The following TOX3 variants were observed in gnomAD, a reference collection of about 807,000 sequenced individuals.
TOX3 encodes the protein TOX high mobility group box family member 3, also known as CAG trinucleotide repeat-containing gene F9 protein.
Under a neutral mutation model 64.3 loss-of-function variants are expected in TOX3, and 22 were observed. The observed-to-expected ratio is 0.34, with a 90% CI of 0.24 to 0.49. The LOEUF (loss-of-function observed/expected upper bound fraction) is 0.49. TOX3 is among the 20% of genes least tolerant of loss of function. The pLI is 0.99. For missense variants in TOX3, 661 were observed against 714.4 expected, an observed-to-expected ratio of 0.93 and a Z score of 0.85; for synonymous variants, 291 against 273.6, an observed-to-expected ratio of 1.06 and a Z score of -0.63.
At position 52,444,258 on chromosome 16, in the gene TOX3, G is replaced by A. The variant is rs771909206; in HGVS notation, c.987+18C>T. 3.4e-5 allele frequency: 52 copies of A among 1,532,114 alleles called. 2 individuals carry two copies. In the South Asian group the frequency reaches 4.1e-4, roughly 12 times the overall value. 94.9% of individuals were successfully genotyped at this position (1,532,114 alleles called of 1,614,324 possible). On this transcript the variant is annotated intron_variant, in intron 6 of 6. Coordinates refer to ENST00000219746, the MANE Select transcript of TOX3 (RefSeq NM_001080430.4). ...GCTGTGACTATTTTGGAGCCTGGCC[G>A]CCCCTGCCCAGGTTTACCTTAGAAA...
chr16:52,439,945 G>A lies in TOX3; in HGVS notation c.1011C>T (p.Ala337=). The A allele has an allele frequency of 6.4e-7, 1 of 1,568,102 alleles. No individual in the cohort carries two copies. The highest frequency in any genetic ancestry group is 1.4e-5 in the African/African-American group (1 of 73,872). The stretch of plus-strand genomic sequence containing the variant: ...TCTGCTGAACAGAACGGATGGTCTG[G>A]GCTTCTGCTGACTCAGCAGCAGCCT... ...VSKAAAESAE[A]QTIRSVQQTL... The change falls in exon 7 of 7, where the codon GCC becomes GCT. Residue 337 remains alanine, a synonymous_variant. Coordinates refer to ENST00000219746, the MANE Select transcript of TOX3 (RefSeq NM_001080430.4).
intron 1 of TOX3, among the ~76,000 whole-genome samples, chr16:52,542,073 G>T (rs1390653678): frequency 6.6e-6 from 1 of 152,180 alleles, no homozygotes; most frequent in Non-Finnish European, 1.5e-5. Context: ...ATTAAATGCA[G>T]GATGTGGATG....
chr16:52,474,518 G>C (rs1961149947), intron 1 of TOX3, among the ~76,000 whole-genome samples: 1 of 152,110 alleles, frequency 6.6e-6, no homozygotes, highest in African/African-American at 2.4e-5. Context: ...ACAGGAGGCT[G>C]AGATGGGAGG....
At chr16:52,460,902 C>T (rs1209813627) in intron 3 of TOX3, among the ~76,000 whole-genome samples, 1 of 152,150 alleles carries the variant, frequency 6.6e-6, no homozygotes, top group South Asian at 2.1e-4. Flanking sequence ...AACTAAATTA[C>T]AGAATCAATC....
chr16:52,505,130 G>A (rs533398942), intron 1 of TOX3, among the ~76,000 whole-genome samples: 5 of 152,080 alleles, frequency 3.3e-5, no homozygotes, highest in East Asian at 1.9e-4. Context: ...CACCGCACCC[G>A]GCCAAGAAGA....
intron 1 of TOX3, among the ~76,000 whole-genome samples, chr16:52,524,845 TTTCACAACTC>T (rs953913367): frequency 2.6e-5 from 4 of 152,120 alleles, no homozygotes; most frequent in African/African-American, 9.7e-5. Context: ...TTTTCTGCCT[TTTCACAACTC>T]CACACTTATG....
At chr16:52,491,988 A>G (rs991785260) in intron 1 of TOX3, among the ~76,000 whole-genome samples, 2 of 152,034 alleles carry the variant, frequency 1.3e-5, no homozygotes, top group African/African-American at 2.4e-5. Flanking sequence ...AGTAGGAAGC[A>G]TTGAGCTTTT....
intron 1 of TOX3, among the ~76,000 whole-genome samples, chr16:52,530,229 T>A (rs1962820815): frequency 6.6e-6 from 1 of 152,198 alleles, no homozygotes; most frequent in Non-Finnish European, 1.5e-5. Context: ...TGAATTCTAA[T>A]GTATGTGTGG....
At chr16:52,544,572 G>A (rs1302577144) in intron 1 of TOX3, among the ~76,000 whole-genome samples, 1 of 152,200 alleles carries the variant, frequency 6.6e-6, no homozygotes, top group Non-Finnish European at 1.5e-5. Context: ...TGCTAAATAA[G>A]TAAGAAAGCA....
At position 52,546,880 on chromosome 16, in the gene TOX3, G is replaced by T. The variant is rs1179106154; in HGVS notation, c.-157C>A. 10 of 1,172,830 alleles carry T rather than the reference G, an allele frequency of 8.5e-6. No individual in the cohort carries two copies. Among genetic ancestry groups the T allele is most frequent in the Non-Finnish European group, 1.1e-5 (10 of 950,744 alleles). 72.7% of individuals were successfully genotyped at this position (1,172,830 alleles called of 1,614,324 possible). ...CCGGGACCCAGAGCCCGAGGAGCTC[G>T]GGAGCCGCGGCCGCCGCACACAAAG... On this transcript the variant is annotated 5_prime_UTR_variant, in exon 1 of 7. Coordinates refer to ENST00000219746, the MANE Select transcript of TOX3 (RefSeq NM_001080430.4).
intron 6 of TOX3, among the ~76,000 whole-genome samples, chr16:52,442,120 T>C (rs954971037): frequency 2.0e-5 from 3 of 152,020 alleles, no homozygotes; most frequent in Non-Finnish European, 4.4e-5. Context: ...TAACGGTAAA[T>C]GGAGATGGGT....
intron 1 of TOX3, among the ~76,000 whole-genome samples, chr16:52,508,910 G>A (rs1022994221): frequency 6.6e-6 from 1 of 152,114 alleles, no homozygotes; most frequent in Non-Finnish European, 1.5e-5. Context: ...ATAAAAAAGT[G>A]TACAAGCCCA....
rs145600720 is a variant in TOX3 at position 52,523,613 on chromosome 16, A to G, written c.87+23024T>C. The stretch of plus-strand genomic sequence containing the variant: ...CTGTGGGAATAAAGACTGACAGGGA[A>G]CCAAACAGCAAAAGGGAAGACTTAC... On this transcript the variant is annotated intron_variant, in intron 1 of 6. Coordinates refer to ENST00000219746, the MANE Select transcript of TOX3 (RefSeq NM_001080430.4). Among the ~76,000 whole-genome samples, 247 of 152,336 alleles carry G rather than the reference A, an allele frequency of 1.6e-3. 1 individual carries two copies. The highest frequency in any genetic ancestry group is 5.7e-3 in the African/African-American group (237 of 41,578).
chr16:52,535,687 C>G (rs1212150597), intron 1 of TOX3, among the ~76,000 whole-genome samples: 2 of 152,166 alleles, frequency 1.3e-5, no homozygotes, highest in African/African-American at 4.8e-5. Context: ...TGGGGGCCTC[C>G]TATTCCTTGA....
At chr16:52,473,456 C>CATCT (rs1267059629) in intron 1 of TOX3, among the ~76,000 whole-genome samples, 1 of 152,154 alleles carries the variant, frequency 6.6e-6, no homozygotes, top group African/African-American at 2.4e-5. Flanking sequence ...TCACTATGGA[C>CATCT]ATCTGTCAAG....
intron 1 of TOX3, among the ~76,000 whole-genome samples, chr16:52,538,438 T>G (rs1382728191): frequency 1.3e-5 from 2 of 152,300 alleles, no homozygotes; most frequent in East Asian, 3.9e-4. Context: ...ATCTCACAAT[T>G]TGGTACAGTT....
intron 1 of TOX3, among the ~76,000 whole-genome samples, chr16:52,528,182 G>A (rs1040744403): frequency 3.9e-5 from 6 of 152,126 alleles, no homozygotes; most frequent in South Asian, 4.1e-4. Context: ...AAACTGACCC[G>A]ATCTTAGGAT....
At chr16:52,471,677 C>A (rs77652148) in intron 1 of TOX3, among the ~76,000 whole-genome samples, 7 of 152,150 alleles carry the variant, frequency 4.6e-5, no homozygotes, top group Admixed American at 3.9e-4. Flanking sequence ...GCCTCCTAAT[C>A]GCCCATCCTA....
At chr16:52,528,804 A>C (rs989604681) in intron 1 of TOX3, among the ~76,000 whole-genome samples, 2 of 152,206 alleles carry the variant, frequency 1.3e-5, no homozygotes, top group Non-Finnish European at 2.9e-5. Context: ...AAAGCAATCT[A>C]AGAGGGTGGC....
Sources: gnomAD v4.1 joint callset for allele counts (sites outside exome capture counted in the v4.1 genomes callset) on GRCh38, gnomAD v4.1.1 for gene constraint, MANE v1.5 for transcripts, NCBI Gene and HGNC (gene_info 2026-07-23, HGNC 2026-07-21) for gene names.